The following CFAP299 variants were observed in gnomAD, a reference collection of about 807,000 sequenced individuals.
CFAP299 encodes the protein cilia- and flagella-associated protein 299.
In CFAP299, 21 loss-of-function variants were observed where a neutral mutation model predicts 27.0. That is an observed-to-expected ratio of 0.78 (90% confidence interval 0.55 to 1.12). The LOEUF is 1.12. Among genes scored for constraint, CFAP299 ranks in the 50% most tolerant of loss-of-function variants. CFAP299 has a pLI of 0.00. For missense variants in CFAP299, 310 were observed against 276.6 expected (o/e 1.12, Z -0.86); for synonymous variants, 104 against 98.1 (o/e 1.06, Z -0.36).
intron 3 of CFAP299, among the ~76,000 whole-genome samples, chr4:80,715,195 A>G (rs562651378): frequency 6.6e-6 from 1 of 152,200 alleles, no homozygotes; most frequent in Admixed American, 6.6e-5. Flanking sequence ...CCAAATTAGG[A>G]AATAGGTGTT....
At chr4:80,827,146 A>G (rs139211593) in intron 3 of CFAP299, among the ~76,000 whole-genome samples, 216 of 152,018 alleles carry the variant, frequency 1.4e-3, no homozygotes, top group African/African-American at 4.7e-3. Context: ...AGGAGAGTTC[A>G]TATAAATCTA....
chr4:80,713,853 G>A (rs1161817443), intron 3 of CFAP299, among the ~76,000 whole-genome samples: 1 of 152,114 alleles, frequency 6.6e-6, no homozygotes, highest in Admixed American at 6.6e-5. Context: ...AAGAATCGAA[G>A]TAAATGCACT....
chr4:80,707,889 A>G (rs950230758), intron 3 of CFAP299, among the ~76,000 whole-genome samples: 6 of 152,128 alleles, frequency 3.9e-5, no homozygotes, highest in African/African-American at 9.6e-5. Flanking sequence ...CATTTGTCCA[A>G]TCAGCTCTAG....
intron 3 of CFAP299, among the ~76,000 whole-genome samples, chr4:80,861,241 G>A (rs947493099): frequency 3.9e-5 from 6 of 152,162 alleles, no homozygotes; most frequent in Non-Finnish European, 8.8e-5. Context: ...CTCCTGGTGC[G>A]CCGTTTTTTA....
chr4:80,401,744 C>T (rs1726173505), intron 2 of CFAP299, among the ~76,000 whole-genome samples: 1 of 152,140 alleles, frequency 6.6e-6, no homozygotes, highest in Non-Finnish European at 1.5e-5. Context: ...GAAAAGAGGG[C>T]AACCATCCTC....
intron 2 of CFAP299, among the ~76,000 whole-genome samples, chr4:80,491,418 G>A (rs904791312): frequency 4.0e-5 from 6 of 151,862 alleles, no homozygotes; most frequent in African/African-American, 1.5e-4. Flanking sequence ...TAAGAGCAAC[G>A]TATATACATA....
At chr4:80,672,200 G>C (rs1014472463) in intron 3 of CFAP299, among the ~76,000 whole-genome samples, 1 of 152,188 alleles carries the variant, frequency 6.6e-6, no homozygotes, top group African/African-American at 2.4e-5. Flanking sequence ...TTTATTAAGA[G>C]TTTTTAGCAT....
chr4:80,327,799 G>A, the CFAP299 span, among the ~76,000 whole-genome samples: 4 of 118,366 alleles, frequency 3.4e-5, no homozygotes, highest in South Asian at 5.4e-4. Context: ...GTGAGGCAAA[G>A]GGGGAGAGGT....
intron 3 of CFAP299, among the ~76,000 whole-genome samples, chr4:80,606,491 T>G (rs1381536634): frequency 6.6e-6 from 1 of 152,084 alleles, no homozygotes; most frequent in Non-Finnish European, 1.5e-5. Context: ...GCCAAGACCC[T>G]GCCATTGCAC....
intron 2 of CFAP299, among the ~76,000 whole-genome samples, chr4:80,416,257 T>C (rs975111223): frequency 1.3e-5 from 2 of 152,246 alleles, no homozygotes; most frequent in Non-Finnish European, 2.9e-5. Flanking sequence ...CGTTGAAATT[T>C]AAAATTGTGC....
At chr4:80,828,062 G>A (rs958217533) in intron 3 of CFAP299, among the ~76,000 whole-genome samples, 1 of 151,960 alleles carries the variant, frequency 6.6e-6, no homozygotes, top group Non-Finnish European at 1.5e-5. Flanking sequence ...AAACAAATAA[G>A]AAGGCATCCC....
At chr4:80,903,317 T>C (rs1184357711) in intron 4 of CFAP299, among the ~76,000 whole-genome samples, 1 of 152,030 alleles carries the variant, frequency 6.6e-6, no homozygotes, top group Non-Finnish European at 1.5e-5. Flanking sequence ...TCCAGATAAA[T>C]TGGGGAAGGA....
At chr4:80,720,213 T>C (rs1722732184) in intron 3 of CFAP299, among the ~76,000 whole-genome samples, 1 of 152,124 alleles carries the variant, frequency 6.6e-6, no homozygotes, top group South Asian at 2.1e-4. Context: ...AGAACTGAGC[T>C]GAGTATCAGT....
At chr4:80,722,690 G>A (rs1370107697) in intron 3 of CFAP299, among the ~76,000 whole-genome samples, 1 of 152,076 alleles carries the variant, frequency 6.6e-6, no homozygotes, top group East Asian at 1.9e-4. Flanking sequence ...CACGAGGTCA[G>A]GAGATCGAGA....
chr4:80,857,610 C>T (rs1731999334), intron 3 of CFAP299, among the ~76,000 whole-genome samples: 1 of 152,138 alleles, frequency 6.6e-6, no homozygotes. Context: ...GAGTTTTTAG[C>T]ATGAAGCGTT....
intron 3 of CFAP299, among the ~76,000 whole-genome samples, chr4:80,821,626 A>G (rs967710433): frequency 3.3e-5 from 5 of 152,154 alleles, no homozygotes; most frequent in African/African-American, 9.7e-5. Flanking sequence ...GCACCTAAAG[A>G]GGAACTTGGG....
At chr4:80,917,943 A>G (rs1735845135) in intron 4 of CFAP299, among the ~76,000 whole-genome samples, 1 of 152,210 alleles carries the variant, frequency 6.6e-6, no homozygotes, top group Non-Finnish European at 1.5e-5. Context: ...TTATATGTAG[A>G]TATAGAAATC....
chr4:80,426,558 T>C (rs907073865), intron 2 of CFAP299, among the ~76,000 whole-genome samples: 4 of 152,232 alleles, frequency 2.6e-5, no homozygotes, highest in African/African-American at 9.6e-5. Flanking sequence ...CATAAGAATC[T>C]TCTGCACATG....
At chr4:80,446,245 T>C (rs1433191537) in intron 2 of CFAP299, among the ~76,000 whole-genome samples, 3 of 152,070 alleles carry the variant, frequency 2.0e-5, no homozygotes, top group African/African-American at 7.2e-5. Context: ...AGAGGATGTA[T>C]AGGGGAGGGT....
Sources: allele counts gnomAD v4.1 joint callset (sites outside exome capture counted in the v4.1 genomes callset), GRCh38; gene constraint gnomAD v4.1.1; transcripts MANE v1.5; gene names NCBI Gene and HGNC (gene_info 2026-07-23, HGNC 2026-07-21).